The following MAST4 variants were observed in gnomAD, a reference collection of about 807,000 sequenced individuals.
MAST4 encodes microtubule associated serine/threonine kinase family member 4, also known as microtubule-associated serine/threonine-protein kinase 4.
A neutral mutation model predicts 162.7 loss-of-function variants in MAST4; 89 were observed. That is an observed-to-expected ratio of 0.55 (90% confidence interval 0.46 to 0.65). The LOEUF (loss-of-function observed/expected upper bound fraction) is 0.65. Ranked by LOEUF, MAST4 falls within the 30% of genes least tolerant of loss-of-function variation. The pLI, the probability that MAST4 is intolerant of heterozygous loss-of-function variation, is 0.00. For missense variants in MAST4, 3,153 were observed against 3,374.0 expected, an observed-to-expected ratio of 0.93 and a Z score of 1.62; for synonymous variants, 1,479 against 1,361.1, an observed-to-expected ratio of 1.09 and a Z score of -1.91.
chr5:67,166,017 G>C lies in MAST4; in HGVS notation c.6838G>C (p.Ala2280Pro). 1 of 1,613,688 alleles carries C rather than the reference G, an allele frequency of 6.2e-7. No individual in the cohort carries two copies. The highest frequency in any genetic ancestry group is 8.5e-7 in the Non-Finnish European group (1 of 1,179,864). Residue 2280 changes from alanine to proline, a missense_variant, in exon 29 of 29, where the codon GCT becomes CCT. Transcript: ENST00000403625. ...CTCTGTCCCACTGCACACTGACAGG[G>C]CTCCTCTAGACGCCAAGCCACAACC... ...GPSVPLHTDR[A>P]PLDAKPQPTS...
chr5:66,644,329 G>A (rs979035094), intron 1 of MAST4, among the ~76,000 whole-genome samples: 5 of 152,174 alleles, frequency 3.3e-5, no homozygotes, highest in African/African-American at 1.2e-4. Flanking sequence ...TTTATGGCCA[G>A]TTTGCATTTA....
rs140701876 is a variant in MAST4, at chr5:67,038,335, A to T, written c.675-16069A>T. Among the ~76,000 whole-genome samples, 440 of 151,798 alleles carry T rather than the reference A, an allele frequency of 2.9e-3. 2 individuals carry two copies. The highest frequency in any genetic ancestry group is 0.01 in the African/African-American group (425 of 41,360). ...CCTCCCAGTTATACAAAGTCACTTA[A>T]CTGAACAATGGATCTATTTAATAAT... On this transcript the variant is annotated intron_variant, in intron 4 of 28. Coordinates refer to ENST00000403625, the MANE Select transcript of MAST4 (RefSeq NM_001164664.2).
intron 7 of MAST4, 41 bp downstream of exon 7, chr5:67,095,716 A>G: frequency 1.4e-6 from 2 of 1,421,840 alleles, no homozygotes; most frequent in Non-Finnish European, 1.9e-6. Context: ...CTTCCTCACA[A>G]CAACAGAGCT....
intron 24 of MAST4, among the ~76,000 whole-genome samples, chr5:67,151,094 A>G (rs1185438585): frequency 6.6e-6 from 1 of 152,144 alleles, no homozygotes; most frequent in Non-Finnish European, 1.5e-5. Flanking sequence ...CCTTTTCTCA[A>G]GTGCACACAC....
chr5:67,040,679 C>T (rs918068403), intron 4 of MAST4, among the ~76,000 whole-genome samples: 1 of 152,196 alleles, frequency 6.6e-6, no homozygotes. Context: ...TGGTTGGTAT[C>T]CTAAGTACCA....
At chr5:67,006,733 T>C (rs1752085195) in intron 4 of MAST4, among the ~76,000 whole-genome samples, 1 of 152,184 alleles carries the variant, frequency 6.6e-6, no homozygotes, top group African/African-American at 2.4e-5. Flanking sequence ...CTCAGGCTGC[T>C]CTGAGCCTGG....
At chr5:67,146,020 C>T (rs1013948106) in intron 23 of MAST4, among the ~76,000 whole-genome samples, 1 of 152,130 alleles carries the variant, frequency 6.6e-6, no homozygotes, top group African/African-American at 2.4e-5. Flanking sequence ...GTCAGAAATA[C>T]CAGCATGATT....
intron 4 of MAST4, among the ~76,000 whole-genome samples, chr5:66,903,278 G>A (rs929462157): frequency 6.6e-6 from 1 of 152,040 alleles, no homozygotes; most frequent in Non-Finnish European, 1.5e-5. Context: ...GTATATGGGT[G>A]TTTATATTAT....
At chr5:67,159,309 A>C (rs1024566062) in intron 26 of MAST4, among the ~76,000 whole-genome samples, 3 of 152,216 alleles carry the variant, frequency 2.0e-5, no homozygotes, top group African/African-American at 7.2e-5. Flanking sequence ...ATACTGAAAT[A>C]TGACTAGTGG....
intron 3 of MAST4, among the ~76,000 whole-genome samples, chr5:66,841,999 TG>T (rs1758463096): frequency 1.3e-5 from 2 of 152,270 alleles, no homozygotes; most frequent in Middle Eastern, 3.4e-3. Flanking sequence ...AGAAAGACTG[TG>T]GAAGGCAGGA....
intron 1 of MAST4, among the ~76,000 whole-genome samples, chr5:66,659,551 T>G (rs1021801683): frequency 2.0e-5 from 3 of 152,258 alleles, no homozygotes; most frequent in African/African-American, 7.2e-5. Context: ...CTTTAAAGAT[T>G]CTGTTTAAAG....
At chr5:66,952,738 C>T (rs573172360) in intron 4 of MAST4, among the ~76,000 whole-genome samples, 1 of 152,330 alleles carries the variant, frequency 6.6e-6, no homozygotes, top group African/African-American at 2.4e-5. Context: ...AGAGACTTTA[C>T]AATCGCTGCT....
chr5:67,010,279 G>T (rs576487547), intron 4 of MAST4, among the ~76,000 whole-genome samples: 1 of 152,226 alleles, frequency 6.6e-6, no homozygotes, highest in Admixed American at 6.5e-5. Flanking sequence ...AATGTGGTCA[G>T]TATTCCAATG....
At chr5:67,155,332 C>T (rs958199018) in intron 26 of MAST4, among the ~76,000 whole-genome samples, 6 of 152,188 alleles carry the variant, frequency 3.9e-5, no homozygotes, top group African/African-American at 1.4e-4. Flanking sequence ...GAATCCCTGA[C>T]AGTGTCCTCC....
Position 67,034,555 on chromosome 5 carries a change from A to G in MAST4, c.675-19849A>G, listed in dbSNP as rs373175161. Among the ~76,000 whole-genome samples the G allele has an allele frequency of 5.9e-5, 9 of 152,278 alleles. No individual in the cohort carries two copies. The East Asian group carries it at 1.7e-3, about 29-fold the overall frequency. On this transcript the variant is annotated intron_variant, in intron 4 of 28. Coordinates refer to ENST00000403625, the MANE Select transcript of MAST4 (RefSeq NM_001164664.2). ...GAAATGTCAGACACTGCAGTAACAGATAATTCAGTCCATCTCACTAACCCC... is the reference window on the plus strand; with the variant it reads ...GAAATGTCAGACACTGCAGTAACAGGTAATTCAGTCCATCTCACTAACCCC...
intron 1 of MAST4, among the ~76,000 whole-genome samples, chr5:66,651,303 T>C (rs1382673510): frequency 6.6e-6 from 1 of 152,266 alleles, no homozygotes; most frequent in Non-Finnish European, 1.5e-5. Context: ...TCAGGAATTA[T>C]AGATGCAGAT....
intron 1 of MAST4, among the ~76,000 whole-genome samples, chr5:66,616,337 T>C (rs1428592974): frequency 2.0e-5 from 3 of 152,074 alleles, no homozygotes; most frequent in African/African-American, 7.2e-5. Flanking sequence ...AGAGAAGAGA[T>C]GTTTTAAATT....
intron 3 of MAST4, among the ~76,000 whole-genome samples, chr5:66,892,259 G>A (rs1488600476): frequency 6.6e-6 from 1 of 152,188 alleles, no homozygotes; most frequent in African/African-American, 2.4e-5. Context: ...TGAATAACAA[G>A]AAACATTGGG....
chr5:66,663,729 T>C (rs373716179), intron 1 of MAST4, among the ~76,000 whole-genome samples: 64 of 151,950 alleles, frequency 4.2e-4, no homozygotes, highest in African/African-American at 1.3e-3. Context: ...ATATAGGACC[T>C]GTGGGCCATT....
Sources: gnomAD v4.1 joint callset for allele counts (sites outside exome capture counted in the v4.1 genomes callset) on GRCh38, gnomAD v4.1.1 for gene constraint, MANE v1.5 for transcripts, NCBI Gene and HGNC (gene_info 2026-07-23, HGNC 2026-07-21) for gene names.